The following COL6A2 variants were observed in gnomAD, a reference collection of about 807,000 sequenced individuals.
COL6A2 encodes the protein collagen alpha-2(VI) chain.
A neutral mutation model predicts 124.9 loss-of-function variants in COL6A2; 90 were observed. That is an observed-to-expected ratio of 0.72 (90% CI 0.61 to 0.86). COL6A2 has a LOEUF of 0.86. Ranked by LOEUF, COL6A2 falls within the 40% of genes least tolerant of loss-of-function variation. COL6A2 has a pLI of 0.00. For missense variants in COL6A2, 1,607 were observed against 1,502.5 expected (o/e 1.07, Z -1.15); for synonymous variants, 793 against 618.2 (o/e 1.28, Z -4.19).
At position 46,132,388 on chromosome 21, in the gene COL6A2, A is replaced by G. The variant is rs1302718158; in HGVS notation, c.2896A>G (p.Lys966Glu). 1.9e-6 allele frequency: 3 copies of G among 1,609,612 alleles called. No homozygotes were observed. Among genetic ancestry groups the G allele is most frequent in the Non-Finnish European group, 2.5e-6 (3 of 1,179,280 alleles). The stretch of plus-strand genomic sequence containing the variant: ...GCACGAGTCGGCGCACTCCATGCGC[A>G]AGCAGAACGTGGTACCCACCGTGCT... ...SLHESAHSMR[K>E]QNVVPTVLAL... The change falls in exon 28 of 28, where the codon AAG (lysine) becomes GAG (glutamate). Residue 966 changes from lysine to glutamate, a missense_variant. Lys to Glu is a moderately conservative substitution (Grantham distance 56, BLOSUM62 1). Around this residue, in one of 3 missense-constraint regions of COL6A2, gnomAD observed 1,223 missense variants for 1,052.2 expected, o/e 1.16. Coordinates refer to ENST00000300527, the MANE Select transcript of COL6A2 (RefSeq NM_001849.4).
At chr21:46,117,849 G>A (rs2078497970) in intron 11 of COL6A2, 25 bp from the exon 12 acceptor site, 1 of 1,603,924 alleles carries the variant, frequency 6.2e-7, no homozygotes, top group African/African-American at 1.3e-5. Context: ...CGTGTGCCGA[G>A]CTCCACCTCT....
intron 1 of COL6A2, among the ~76,000 whole-genome samples, chr21:46,102,014 A>G (rs539243709): frequency 1.1e-4 from 17 of 151,436 alleles, no homozygotes; most frequent in African/African-American, 4.1e-4. Flanking sequence ...ACATCTTAAT[A>G]TAGTAAGTCT....
At position 46,113,991 on chromosome 21, in the gene COL6A2, C is replaced by T. The variant is rs1196425863; in HGVS notation, c.736-17C>T. On this transcript the variant is annotated splice_polypyrimidine_tract_variant and intron_variant, in intron 4 of 27. Transcript: ENST00000300527. ...GTCCCACCCATGCAACCTTCTGTCTCTGCTTCCTCGTTTCAGTGCTACAAG... is the reference window on the plus strand; with the variant it reads ...GTCCCACCCATGCAACCTTCTGTCTTTGCTTCCTCGTTTCAGTGCTACAAG... 6.2e-7 allele frequency: 1 copy of T among 1,613,168 alleles called. No homozygotes were observed.
chr21:46,103,119 C>T (rs1027066369), intron 1 of COL6A2, among the ~76,000 whole-genome samples: 3 of 152,052 alleles, frequency 2.0e-5, no homozygotes, highest in African/African-American at 7.2e-5. Flanking sequence ...TTCAGATTTT[C>T]TATTTCTTCA....
chr21:46,129,500 CACCCGCCCAGCCGGGCTGG>C (rs767796330), intron 27 of COL6A2: 30 of 1,556,772 alleles, frequency 1.9e-5, no homozygotes, highest in Non-Finnish European at 2.4e-5. Flanking sequence ...AAAGCCCGGG[CACCCGCCCAGCCGGGCTGG>C]GCCCTCCCTG....
At chr21:46,131,866 C>G in intron 27 of COL6A2, 88 bp from the exon 28 acceptor site, 1 of 1,277,396 alleles carries the variant, frequency 7.8e-7, no homozygotes. Context: ...AGGCAGGGTG[C>G]GAATGGAAGG....
rs59060956 is a variant in COL6A2 at position 46,116,926 on chromosome 21, T to TACACACACACAC, written c.999+131_999+142dup. On this transcript the variant is annotated intron_variant, in intron 10 of 27. Transcript: ENST00000300527. This position sits in a 1 kb window ranked among gnomAD's most constrained non-coding sequence, Gnocchi z 4.6. ...CAGCTTACACATGTGTACACACGCA[T>TACACACACACAC]ACACACACACACACACACACACACA... The TACACACACACAC allele has an allele frequency of 4.8e-3, 3,095 of 638,928 alleles. 3 individuals are homozygous for TACACACACACAC. Among genetic ancestry groups the TACACACACACAC allele is most frequent in the African/African-American group, 0.014 (788 of 54,524 alleles). 39.6% of individuals were successfully genotyped at this position (638,928 alleles called of 1,614,324 possible).
chr21:46,129,777 T>C, intron 27 of COL6A2: 1 of 1,296,588 alleles, frequency 7.7e-7, no homozygotes. Flanking sequence ...AAGTCCAGAA[T>C]GACCTCGCAA....
In COL6A2 at chr21:46,122,384, C is replaced by T. The variant is rs541425679; in HGVS notation, c.1573-112C>T. 3.2e-5 allele frequency: 46 copies of T among 1,441,280 alleles called. 1 individual carries two copies. In the East Asian group the frequency reaches 4.5e-4, roughly 14 times the overall value. The allele number at this position is 1,441,280 out of a possible 1,614,324, so 89.3% of individuals were successfully genotyped here. On this transcript the variant is annotated intron_variant, in intron 19 of 27. Transcript: ENST00000300527. ...TCAGAACGCAGCACAGTGGCCTCAC[C>T]CAGAGTGTGAATGAGCGAGGGAGGG...
At position 46,125,924 on chromosome 21, in the gene COL6A2, A is replaced by G. The variant is rs1484571534; in HGVS notation, c.2109A>G (p.Thr703=). Residue 703 remains threonine (T), a synonymous_variant, in exon 26 of 28, where the codon ACA becomes ACG. Coordinates refer to ENST00000300527, the MANE Select transcript of COL6A2 (RefSeq NM_001849.4). The stretch of plus-strand genomic sequence containing the variant: ...AGTGGATTGCGGGCGGCACCTGGAC[A>G]CCCTCAGCCCTCAAGTTTGCCTACG... ...NLEWIAGGTW[T]PSALKFAYDR... 6 of 1,612,850 alleles carry G rather than the reference A, an allele frequency of 3.7e-6. No homozygotes were observed. The highest frequency in any genetic ancestry group is 3.3e-5 in the South Asian group (3 of 91,070).
At chr21:46,125,656 C>CG in intron 25 of COL6A2, 39 bp downstream of exon 25, 2 of 806,546 alleles carry the variant, frequency 2.5e-6, no homozygotes, top group Non-Finnish European at 4.0e-6. Context: ...TGCGGGGGGC[C>CG]GGGCGGGGCG....
chr21:46,132,468 C>T lies in COL6A2; in HGVS notation c.2976C>T (p.Asp992=). 2 of 1,606,356 alleles carry T rather than the reference C, an allele frequency of 1.2e-6. No homozygotes were observed. The highest frequency in any genetic ancestry group is 2.2e-5 in the East Asian group (1 of 44,754). The change falls in exon 28 of 28, where the codon GAC becomes GAT. Residue 992 remains aspartate, a synonymous_variant. Transcript: ENST00000300527. ...MDVLTTLSLG[D]RAAVFHEKDY... is the part of the protein sequence containing the mutation. The stretch of plus-strand genomic sequence containing the variant: ...TGCTCACCACGCTCAGCCTGGGTGA[C>T]CGCGCCGCCGTGTTCCACGAGAAGG...
At chr21:46,109,970 A>G (rs2078376966) in intron 1 of COL6A2, among the ~76,000 whole-genome samples, 1 of 152,180 alleles carries the variant, frequency 6.6e-6, no homozygotes, top group Admixed American at 6.5e-5. Flanking sequence ...GGGCAGTTGT[A>G]CCTGGGGAAC....
At position 46,116,126 on chromosome 21, in the gene COL6A2, A is replaced by AGCCTCG; in HGVS notation, c.900+79_900+84dup. The AGCCTCG allele has an allele frequency of 6.8e-7, 1 of 1,475,996 alleles. No individual in the cohort carries two copies. The highest frequency in any genetic ancestry group is 9.3e-7 in the Non-Finnish European group (1 of 1,080,166). The allele number at this position is 1,475,996 out of a possible 1,614,324, so 91.4% of individuals were successfully genotyped here. A position where few individuals can be genotyped will look rare whatever the true frequency, so the allele number is the denominator to read the frequency against. Reference sequence around the variant, plus strand: ...CTGCCAGGCAGGCTCCCCCCAGCCCAGCCTCGGCCTCAGCCTCTACGACCC... The same window carrying AGCCTCG: ...CTGCCAGGCAGGCTCCCCCCAGCCCAGCCTCGGCCTCGGCCTCAGCCTCTACGACCC... On this transcript the variant is annotated intron_variant, in intron 7 of 27. Coordinates refer to ENST00000300527, the MANE Select transcript of COL6A2 (RefSeq NM_001849.4). The surrounding 1 kb of genome is among the most constrained non-coding windows in gnomAD (Gnocchi z 4.6).
At chr21:46,127,680 T>A (rs537805177) in intron 27 of COL6A2, among the ~76,000 whole-genome samples, 1 of 152,204 alleles carries the variant, frequency 6.6e-6, no homozygotes, top group African/African-American at 2.4e-5. Context: ...CGGGACCCCA[T>A]GATGGGCGAC....
chr21:46,131,399 C>T (rs1375145775), intron 27 of COL6A2, among the ~76,000 whole-genome samples: 1 of 152,234 alleles, frequency 6.6e-6, no homozygotes, highest in Non-Finnish European at 1.5e-5. Context: ...CACAGAAGGT[C>T]TGGCTGCCCC....
At chr21:46,128,298 C>A (rs1167427162) in intron 27 of COL6A2, among the ~76,000 whole-genome samples, 1 of 152,242 alleles carries the variant, frequency 6.6e-6, no homozygotes, top group African/African-American at 2.4e-5. Flanking sequence ...TCCTCTCGGC[C>A]GCCCTGACAC....
intron 16 of COL6A2, among the ~76,000 whole-genome samples, chr21:46,120,787 C>T (rs948036335): frequency 5.3e-5 from 8 of 151,598 alleles, no homozygotes; most frequent in Non-Finnish European, 7.4e-5. Flanking sequence ...GGGACCAAGG[C>T]AAGGGCTGCA....
At chr21:46,125,653 G>T in intron 25 of COL6A2, 36 bp downstream of exon 25, 1 of 1,597,450 alleles carries the variant, frequency 6.3e-7, no homozygotes, top group Admixed American at 1.7e-5. Context: ...CATTGCGGGG[G>T]GCCGGGCGGG....
Sources: gnomAD v4.1 joint callset for allele counts (sites outside exome capture counted in the v4.1 genomes callset) on GRCh38, gnomAD v4.1.1 for gene constraint, gnomAD v4.1.1 regional missense constraint, Gnocchi (gnomAD v3.1) non-coding constraint, MANE v1.5 for transcripts, NCBI Gene and HGNC (gene_info 2026-07-23, HGNC 2026-07-21) for gene names.